GNA14: variants seen among roughly 807,000 people sequenced by gnomAD.
GNA14 encodes G protein subunit alpha 14, also known as guanine nucleotide-binding protein subunit alpha-14.
GNA14 carries 50 observed loss-of-function variants against 42.0 expected under a neutral mutation model. The ratio of observed to expected loss-of-function variants is 1.19; its 90% CI spans 0.95 to 1.51. The LOEUF (loss-of-function observed/expected upper bound fraction) is 1.51. GNA14 is among the 40% of genes most tolerant of loss of function. GNA14 has a pLI of 0.00. For missense variants in GNA14, 473 were observed against 446.2 expected, an observed-to-expected ratio of 1.06 and a Z score of -0.54; for synonymous variants, 173 against 163.1, an observed-to-expected ratio of 1.06 and a Z score of -0.46.
intron 2 of GNA14, among the ~76,000 whole-genome samples, chr9:77,515,320 G>T (rs1837234957): frequency 6.6e-6 from 1 of 152,200 alleles, no homozygotes; most frequent in Admixed American, 6.5e-5. Flanking sequence ...AAGAGGAAAG[G>T]GAAGCAGAGA....
At chr9:77,424,379 C>G (rs1341613809) in intron 6 of GNA14, among the ~76,000 whole-genome samples, 6 of 152,142 alleles carry the variant, frequency 3.9e-5, no homozygotes, top group Admixed American at 2.0e-4. Context: ...CGTACCACCA[C>G]ACACAGCTAA....
chr9:77,623,150 G>A (rs11788968), intron 1 of GNA14, among the ~76,000 whole-genome samples: 1 of 132,194 alleles, frequency 7.6e-6, no homozygotes, highest in Non-Finnish European at 1.6e-5. Context: ...CGGGGAGGCA[G>A]AGGTTGCAGT....
chr9:77,441,851 G>T (rs1433712659), intron 2 of GNA14, among the ~76,000 whole-genome samples: 7 of 152,090 alleles, frequency 4.6e-5, no homozygotes, highest in Admixed American at 4.6e-4. Flanking sequence ...AAATTATGAA[G>T]TAAAATTTCA....
At chr9:77,528,847 C>T (rs1837482510) in intron 2 of GNA14, among the ~76,000 whole-genome samples, 1 of 152,144 alleles carries the variant, frequency 6.6e-6, no homozygotes, top group Non-Finnish European at 1.5e-5. Context: ...ACTTTGGAAT[C>T]CCTGCACACT....
intron 3 of GNA14, 31 bp downstream of exon 3, chr9:77,434,337 C>T (rs781065470): frequency 6.3e-7 from 1 of 1,586,356 alleles, no homozygotes; most frequent in Non-Finnish European, 8.6e-7. Flanking sequence ...CTGAAAGCAC[C>T]GCGGGCGGCC....
chr9:77,529,263 A>G lies in GNA14; in HGVS notation c.125-10T>C. The G allele has an allele frequency of 6.2e-7, 1 of 1,610,550 alleles. No homozygotes were observed. Among genetic ancestry groups the G allele is most frequent in the Non-Finnish European group, 8.5e-7 (1 of 1,176,810 alleles). Reference sequence around the variant, plus strand: ...CCACTTTCACCAGTTCCTATAAGACAAAACAAGTGGAAAACGCTGTCAGCA... The same window carrying G: ...CCACTTTCACCAGTTCCTATAAGACGAAACAAGTGGAAAACGCTGTCAGCA... On this transcript the variant is annotated splice_polypyrimidine_tract_variant and intron_variant, in intron 1 of 6. Transcript: ENST00000341700.
chr9:77,640,742 T>A (rs924714055), intron 1 of GNA14, among the ~76,000 whole-genome samples: 2 of 151,406 alleles, frequency 1.3e-5, no homozygotes, highest in African/African-American at 4.9e-5. Context: ...AGATTTTTTT[T>A]AAAAGATCCA....
In GNA14 at chr9:77,545,439, A is replaced by G. The variant is rs150628873; in HGVS notation, c.125-16186T>C. 2.2e-3 allele frequency among the ~76,000 whole-genome samples: 328 copies of G among 152,362 alleles called. 1 individual carries two copies. The highest frequency in any genetic ancestry group is 3.4e-3 in the Middle Eastern group (1 of 294). On this transcript the variant is annotated intron_variant, in intron 1 of 6. Transcript: ENST00000341700. ...CAGAATATGAAATTCAGATGGAAAT[A>G]TATATGCAAATAGGTATACATTATT...
chr9:77,582,541 C>T (rs183632731), intron 1 of GNA14, among the ~76,000 whole-genome samples: 1 of 152,286 alleles, frequency 6.6e-6, no homozygotes, highest in East Asian at 1.9e-4. Flanking sequence ...ATTTGCATGC[C>T]CATTTTGCAT....
At chr9:77,519,246 A>G (rs1185118983) in intron 2 of GNA14, among the ~76,000 whole-genome samples, 1 of 152,092 alleles carries the variant, frequency 6.6e-6, no homozygotes, top group Non-Finnish European at 1.5e-5. Flanking sequence ...CCTCATCTCT[A>G]CTAAAAATAC....
chr9:77,601,299 T>A (rs192338228), intron 1 of GNA14, among the ~76,000 whole-genome samples: 2 of 152,314 alleles, frequency 1.3e-5, no homozygotes, highest in Admixed American at 6.5e-5. Flanking sequence ...GAGATTTAGC[T>A]GAACTAAGGA....
chr9:77,496,301 A>C (rs899309341), intron 2 of GNA14, among the ~76,000 whole-genome samples: 1 of 152,220 alleles, frequency 6.6e-6, no homozygotes, highest in African/African-American at 2.4e-5. Flanking sequence ...TGACTGATTC[A>C]TCTCAAGCCT....
intron 1 of GNA14, among the ~76,000 whole-genome samples, chr9:77,634,553 T>C (rs1824151408): frequency 6.6e-6 from 1 of 151,492 alleles, no homozygotes; most frequent in African/African-American, 2.4e-5. Flanking sequence ...GCAGGCAGAA[T>C]ACGAGAAGTA....
chr9:77,520,619 G>A (rs554261262), intron 2 of GNA14, among the ~76,000 whole-genome samples: 1 of 152,288 alleles, frequency 6.6e-6, no homozygotes, highest in Non-Finnish European at 1.5e-5. Context: ...AGGCTGGAGT[G>A]CAATGGCAAC....
At chr9:77,615,487 T>C (rs554994757) in intron 1 of GNA14, among the ~76,000 whole-genome samples, 1 of 152,208 alleles carries the variant, frequency 6.6e-6, no homozygotes, top group African/African-American at 2.4e-5. Context: ...CTTTCTGCTC[T>C]CCCCTTACCC....
chr9:77,449,276 G>A (rs1037667786), intron 2 of GNA14, among the ~76,000 whole-genome samples: 1 of 152,170 alleles, frequency 6.6e-6, no homozygotes, highest in African/African-American at 2.4e-5. Context: ...TTCACACAAT[G>A]ATGAAATCAC....
At chr9:77,551,379 C>T (rs1025817606) in intron 1 of GNA14, among the ~76,000 whole-genome samples, 1 of 152,200 alleles carries the variant, frequency 6.6e-6, no homozygotes, top group Non-Finnish European at 1.5e-5. Flanking sequence ...TGGTCAACCA[C>T]TGGCATAAAC....
At chr9:77,619,149 C>T (rs1380488204) in intron 1 of GNA14, among the ~76,000 whole-genome samples, 1 of 152,056 alleles carries the variant, frequency 6.6e-6, no homozygotes, top group South Asian at 2.1e-4. Flanking sequence ...TACAAGAGCA[C>T]ATACCAGACC....
intron 1 of GNA14, among the ~76,000 whole-genome samples, chr9:77,531,501 G>A (rs1369611140): frequency 6.6e-6 from 1 of 152,198 alleles, no homozygotes; most frequent in African/African-American, 2.4e-5. Flanking sequence ...GTCCCTGCAT[G>A]TGACTATGAT....
Sources: gnomAD v4.1 joint callset for allele counts (sites outside exome capture counted in the v4.1 genomes callset) on GRCh38, gnomAD v4.1.1 for gene constraint, MANE v1.5 for transcripts, NCBI Gene and HGNC (gene_info 2026-07-23, HGNC 2026-07-21) for gene names.